Variants in ARHGAP24 observed in about 807,000 individuals in gnomAD.
ARHGAP24 encodes Rho GTPase activating protein 24.
ARHGAP24 carries 50 observed loss-of-function variants against 76.4 expected under a neutral mutation model. The ratio of observed to expected loss-of-function variants is 0.65; its 90% confidence interval spans 0.52 to 0.83. The LOEUF (loss-of-function observed/expected upper bound fraction) is 0.83. Among genes scored for constraint, ARHGAP24 ranks in the 40% least tolerant of loss-of-function variants. The probability of loss-of-function intolerance (pLI) is 0.00; values close to 1 mark genes in which losing one functional copy is unlikely to be tolerated. For synonymous variants in ARHGAP24, 345 were observed against 323.3 expected (o/e 1.07, Z -0.72); for missense variants, 930 against 914.2 (o/e 1.02, Z -0.22).
At chr4:85,775,232 C>T (rs997008773) in intron 3 of ARHGAP24, among the ~76,000 whole-genome samples, 5 of 152,064 alleles carry the variant, frequency 3.3e-5, no homozygotes, top group African/African-American at 1.2e-4. Flanking sequence ...CATTTGGTAG[C>T]ATCATCCTGA....
chr4:85,671,893 C>T lies in ARHGAP24; in HGVS notation c.181-49992C>T, dbSNP rs1722826722. Among the ~76,000 whole-genome samples the T allele has an allele frequency of 2.0e-5, 3 of 152,214 alleles. No individual in the cohort carries two copies. The South Asian group carries it at 6.2e-4, about 32-fold the overall frequency. ...ATGGACACTGAGAAACCTCAAAGACCCAGGGTCTGAAGTAAGTAGGTGCTT... is the reference window on the plus strand; with the variant it reads ...ATGGACACTGAGAAACCTCAAAGACTCAGGGTCTGAAGTAAGTAGGTGCTT... On this transcript the variant is annotated intron_variant, in intron 2 of 9. Coordinates refer to ENST00000395184, the MANE Select transcript of ARHGAP24 (RefSeq NM_001025616.3).
chr4:85,669,872 A>G (rs1395044300), intron 2 of ARHGAP24, among the ~76,000 whole-genome samples: 1 of 151,806 alleles, frequency 6.6e-6, no homozygotes, highest in Admixed American at 6.6e-5. Context: ...AGCAATTCAG[A>G]AAAAATAAAC....
chr4:85,819,487 G>C (rs1288183780), intron 3 of ARHGAP24, among the ~76,000 whole-genome samples: 5 of 151,882 alleles, frequency 3.3e-5, no homozygotes, highest in Non-Finnish European at 7.4e-5. Context: ...TGGTAGTTAG[G>C]TTTTCCTTGT....
intron 8 of ARHGAP24, among the ~76,000 whole-genome samples, chr4:85,980,468 G>A (rs346473): frequency 0.66 from 99,629 of 152,062 alleles, 33,889 homozygotes; most frequent in African/African-American, 0.83. Context: ...TCTATAACTC[G>A]TCACACACAC....
chr4:85,589,574 G>A (rs997278386), intron 2 of ARHGAP24, among the ~76,000 whole-genome samples: 2 of 152,148 alleles, frequency 1.3e-5, no homozygotes, highest in Non-Finnish European at 1.5e-5. Context: ...AACTTACTAG[G>A]TAATTAATGA....
chr4:85,910,171 A>G (rs1238669391), intron 3 of ARHGAP24, among the ~76,000 whole-genome samples: 1 of 152,188 alleles, frequency 6.6e-6, no homozygotes, highest in Non-Finnish European at 1.5e-5. Flanking sequence ...GGCACCGGGG[A>G]ACGCAGTGGT....
chr4:85,641,626 A>G (rs555818912), intron 2 of ARHGAP24, among the ~76,000 whole-genome samples: 2 of 152,296 alleles, frequency 1.3e-5, no homozygotes, highest in East Asian at 1.9e-4. Context: ...CAATACCTCA[A>G]TCCATTGGTT....
chr4:85,882,552 A>G (rs1055014492), intron 3 of ARHGAP24, among the ~76,000 whole-genome samples: 1 of 152,142 alleles, frequency 6.6e-6, no homozygotes, highest in Admixed American at 6.5e-5. Flanking sequence ...TTTTTGATTT[A>G]CAAAATGAGG....
intron 1 of ARHGAP24, among the ~76,000 whole-genome samples, chr4:85,534,705 T>C (rs1206608770): frequency 1.3e-5 from 2 of 152,160 alleles, no homozygotes; most frequent in Non-Finnish European, 2.9e-5. Context: ...TACCTGTGCA[T>C]AATATTATTT....
intron 1 of ARHGAP24, among the ~76,000 whole-genome samples, chr4:85,483,350 A>C (rs989330875): frequency 2.0e-5 from 3 of 152,196 alleles, no homozygotes; most frequent in Middle Eastern, 3.2e-3. Flanking sequence ...TTTAGTAAAA[A>C]TAGGCCAGGC....
At chr4:85,822,500 A>G (rs552274248) in intron 3 of ARHGAP24, among the ~76,000 whole-genome samples, 2 of 152,336 alleles carry the variant, frequency 1.3e-5, no homozygotes, top group African/African-American at 4.8e-5. Context: ...AAACAAAAAT[A>G]CAAAATAAGA....
intron 3 of ARHGAP24, among the ~76,000 whole-genome samples, chr4:85,784,797 T>C (rs1396006861): frequency 6.6e-6 from 1 of 152,062 alleles, no homozygotes; most frequent in Non-Finnish European, 1.5e-5. Flanking sequence ...ATGGCCACAT[T>C]CTTGCTCAGA....
chr4:85,704,505 C>A (rs1724223458), intron 2 of ARHGAP24, among the ~76,000 whole-genome samples: 1 of 152,110 alleles, frequency 6.6e-6, no homozygotes, highest in Non-Finnish European at 1.5e-5. Flanking sequence ...AGAAGTTGGG[C>A]AGTATCTAAA....
chr4:85,840,694 T>C (rs572608422), intron 3 of ARHGAP24, among the ~76,000 whole-genome samples: 1 of 152,324 alleles, frequency 6.6e-6, no homozygotes, highest in South Asian at 2.1e-4. Flanking sequence ...TGGATCAACA[T>C]TGTTGAAATA....
chr4:85,828,916 G>C (rs1249754814), intron 3 of ARHGAP24, among the ~76,000 whole-genome samples: 1 of 152,030 alleles, frequency 6.6e-6, no homozygotes, highest in Non-Finnish European at 1.5e-5. Flanking sequence ...TAGGAATTTG[G>C]TACTGTGTAA....
At chr4:85,536,747 A>G (rs1291684649) in intron 1 of ARHGAP24, among the ~76,000 whole-genome samples, 3 of 152,144 alleles carry the variant, frequency 2.0e-5, no homozygotes, top group African/African-American at 7.2e-5. Flanking sequence ...GAGATAGAGA[A>G]AAGTGAGGAA....
At chr4:85,606,243 G>A (rs1720186764) in intron 2 of ARHGAP24, among the ~76,000 whole-genome samples, 2 of 152,216 alleles carry the variant, frequency 1.3e-5, no homozygotes, top group Admixed American at 1.3e-4. Flanking sequence ...GCCGGGCGCG[G>A]TGGCTCACGC....
intron 1 of ARHGAP24, among the ~76,000 whole-genome samples, chr4:85,485,039 T>C (rs1722965152): frequency 1.3e-5 from 2 of 151,898 alleles, no homozygotes; most frequent in Admixed American, 6.6e-5. Flanking sequence ...TTTTGTTTTT[T>C]TCCTTAAAAA....
chr4:85,970,718 C>T (rs1392408452), intron 5 of ARHGAP24, among the ~76,000 whole-genome samples: 1 of 152,096 alleles, frequency 6.6e-6, no homozygotes, highest in Non-Finnish European at 1.5e-5. Context: ...TCAGAGCACA[C>T]CTCTCTGGGG....
Sources: gnomAD v4.1 joint callset for allele counts (sites outside exome capture counted in the v4.1 genomes callset) on GRCh38, gnomAD v4.1.1 for gene constraint, MANE v1.5 for transcripts, NCBI Gene and HGNC (gene_info 2026-07-23, HGNC 2026-07-21) for gene names.